CAMK2D: variants seen among roughly 807,000 people sequenced by gnomAD.
CAMK2D encodes calcium/calmodulin-dependent protein kinase type II subunit delta.
Under a neutral mutation model 84.0 loss-of-function variants are expected in CAMK2D, and 37 were observed. That is an observed-to-expected ratio of 0.44 (90% CI 0.34 to 0.58). CAMK2D has a LOEUF of 0.58. Ranked by LOEUF, CAMK2D falls within the 20% of genes least tolerant of loss-of-function variation. The probability of loss-of-function intolerance (pLI) is 0.02; values close to 1 mark genes in which losing one functional copy is unlikely to be tolerated. For synonymous variants in CAMK2D, 202 were observed against 212.5 expected, an observed-to-expected ratio of 0.95 and a Z score of 0.43; for missense variants, 448 against 652.5, an observed-to-expected ratio of 0.69 and a Z score of 3.41.
chr4:113,592,552 T>G (rs2098894956), intron 4 of CAMK2D, among the ~76,000 whole-genome samples: 1 of 152,234 alleles, frequency 6.6e-6, no homozygotes, highest in Non-Finnish European at 1.5e-5. Context: ...TTTCAAAATC[T>G]AGTTAAACAA....
intron 2 of CAMK2D, among the ~76,000 whole-genome samples, chr4:113,751,641 G>A (rs1020493568): frequency 7.9e-5 from 12 of 151,794 alleles, no homozygotes; most frequent in Admixed American, 1.3e-4. Flanking sequence ...GTGGTGGCAC[G>A]CACCTGTAAT....
intron 3 of CAMK2D, among the ~76,000 whole-genome samples, chr4:113,619,037 A>AT (rs1252322594): frequency 1.3e-5 from 2 of 152,184 alleles, no homozygotes; most frequent in African/African-American, 4.8e-5. Context: ...CACTTATCTC[A>AT]TAGACATCTC....
At position 113,736,874 on chromosome 4, in the gene CAMK2D, G is replaced by A. The variant is rs529514820; in HGVS notation, c.160+22446C>T. Among the ~76,000 whole-genome samples the A allele has an allele frequency of 5.3e-5, 8 of 152,196 alleles. No individual in the cohort carries two copies. In the East Asian group the frequency reaches 7.7e-4, roughly 15 times the overall value. On this transcript the variant is annotated intron_variant, in intron 2 of 20. Transcript: ENST00000511664. ...TTATCATACACTAAGAAGTCAAAAC[G>A]TAAATGAGAGTTTAGAACTGGCAAT...
At chr4:113,660,505 T>G (rs534122925) in intron 3 of CAMK2D, among the ~76,000 whole-genome samples, 4 of 152,286 alleles carry the variant, frequency 2.6e-5, no homozygotes, top group African/African-American at 9.6e-5. Flanking sequence ...TCCTCCCACC[T>G]TAGCCTCTCT....
intron 17 of CAMK2D, among the ~76,000 whole-genome samples, chr4:113,462,388 T>C (rs192086176): frequency 6.8e-6 from 1 of 146,184 alleles, no homozygotes; most frequent in East Asian, 2.0e-4. Context: ...ATCTACCCCA[T>C]AAAAGGCTTT....
intron 8 of CAMK2D, among the ~76,000 whole-genome samples, chr4:113,525,368 T>C (rs781617749): frequency 2.0e-5 from 3 of 152,190 alleles, no homozygotes; most frequent in Admixed American, 6.5e-5. Context: ...TGTTAGAAAT[T>C]TGTGATCCAG....
At chr4:113,581,612 A>G (rs1310719973) in intron 4 of CAMK2D, among the ~76,000 whole-genome samples, 1 of 151,738 alleles carries the variant, frequency 6.6e-6, no homozygotes, top group Non-Finnish European at 1.5e-5. Flanking sequence ...TTTTCTTTAA[A>G]AGGTCTGAAA....
intron 16 of CAMK2D, among the ~76,000 whole-genome samples, chr4:113,489,298 C>T (rs2097797004): frequency 8.1e-6 from 1 of 122,792 alleles, no homozygotes; most frequent in Admixed American, 9.8e-5. Context: ...CCTCCCCCCA[C>T]CCCACAACAG....
intron 2 of CAMK2D, among the ~76,000 whole-genome samples, chr4:113,675,992 T>G (rs1404471629): frequency 6.6e-6 from 1 of 152,152 alleles, no homozygotes; most frequent in Admixed American, 6.6e-5. Context: ...ATGGCCAAAA[T>G]ATAATGAACA....
chr4:113,757,515 T>A (rs2099631113), intron 2 of CAMK2D, among the ~76,000 whole-genome samples: 1 of 152,060 alleles, frequency 6.6e-6, no homozygotes, highest in Non-Finnish European at 1.5e-5. Flanking sequence ...ACCAGCTCAC[T>A]CTTAGGTACG....
chr4:113,542,702 G>C (rs1223555509), intron 6 of CAMK2D, among the ~76,000 whole-genome samples: 4 of 145,036 alleles, frequency 2.8e-5, no homozygotes, highest in African/African-American at 1.1e-4. Flanking sequence ...GCAACAGAGC[G>C]AGATTCCGTC....
rs143537793 is a variant in CAMK2D, at chr4:113,477,396, A to C, written c.1136-11792T>G. 6.1e-4 allele frequency among the ~76,000 whole-genome samples: 93 copies of C among 152,306 alleles called. 1 individual carries two copies. The East Asian group carries it at 0.016, about 26-fold the overall frequency. On this transcript the variant is annotated intron_variant, in intron 16 of 20. Transcript: ENST00000511664. ...ACTGTATAATCAGTTTAGCTCTGGG[A>C]TATTTGCCTCTAAATTCAGCTTAGA...
chr4:113,760,948 C>T (rs1022051634), intron 1 of CAMK2D, 56 bp downstream of exon 1: 16 of 1,611,274 alleles, frequency 9.9e-6, no homozygotes, highest in Non-Finnish European at 1.4e-5. Context: ...TCGGGGGCAA[C>T]GCGACCCGCC....
intron 2 of CAMK2D, among the ~76,000 whole-genome samples, chr4:113,718,969 C>G (rs1400510187): frequency 6.6e-6 from 1 of 151,922 alleles, no homozygotes; most frequent in Non-Finnish European, 1.5e-5. Context: ...CAGTGAAAAT[C>G]TAAATTAAAA....
chr4:113,657,789 T>A (rs1414286549), intron 3 of CAMK2D, among the ~76,000 whole-genome samples: 1 of 152,082 alleles, frequency 6.6e-6, no homozygotes, highest in Non-Finnish European at 1.5e-5. Context: ...GAAAGACACA[T>A]TCAAATATAA....
At chr4:113,465,719 C>T in intron 16 of CAMK2D, 115 bp from the exon 17 acceptor site, 1 of 666,210 alleles carries the variant, frequency 1.5e-6, no homozygotes, top group South Asian at 1.7e-5. Flanking sequence ...TGCTGGAGTA[C>T]AGTAGCGCAA....
intron 3 of CAMK2D, among the ~76,000 whole-genome samples, chr4:113,609,931 C>T (rs1458088674): frequency 6.6e-6 from 1 of 152,142 alleles, no homozygotes; most frequent in Non-Finnish European, 1.5e-5. Flanking sequence ...TAACTCTAAA[C>T]TAAATCACAC....
At chr4:113,591,323 A>G (rs1378073755) in intron 4 of CAMK2D, among the ~76,000 whole-genome samples, 3 of 152,198 alleles carry the variant, frequency 2.0e-5, no homozygotes, top group African/African-American at 2.4e-5. Context: ...TCTTTTCTCT[A>G]ATCAGATTAT....
chr4:113,631,228 G>A (rs1302919840), intron 3 of CAMK2D, among the ~76,000 whole-genome samples: 1 of 152,136 alleles, frequency 6.6e-6, no homozygotes, highest in African/African-American at 2.4e-5. Flanking sequence ...AGCTGAGATT[G>A]TAGACTGAAT....
Sources: gnomAD v4.1 joint callset for allele counts (sites outside exome capture counted in the v4.1 genomes callset) on GRCh38, gnomAD v4.1.1 for gene constraint, MANE v1.5 for transcripts, NCBI Gene and HGNC (gene_info 2026-07-23, HGNC 2026-07-21) for gene names.